BCAR3: variants seen among roughly 807,000 people sequenced by gnomAD.
BCAR3 encodes BCAR3 adaptor protein, NSP family member, also known as breast cancer anti-estrogen resistance protein 3.
Under a neutral mutation model 80.1 loss-of-function variants are expected in BCAR3, and 37 were observed. The observed-to-expected ratio is 0.46, with a 90% CI of 0.36 to 0.61. BCAR3 has a LOEUF of 0.61. Among genes scored for constraint, BCAR3 ranks in the 20% least tolerant of loss-of-function variants. The pLI is 0.00. For missense variants in BCAR3, 978 were observed against 1,068.2 expected (o/e 0.92, Z 1.18); for synonymous variants, 389 against 418.9 (o/e 0.93, Z 0.87).
intron 2 of BCAR3, among the ~76,000 whole-genome samples, chr1:93,836,287 C>T (rs1654764069): frequency 1.3e-5 from 2 of 152,138 alleles, no homozygotes. Flanking sequence ...TAAAAACTTG[C>T]CAACCAAACA....
At chr1:93,782,287 G>A (rs777443359) in intron 2 of BCAR3, among the ~76,000 whole-genome samples, 5 of 152,202 alleles carry the variant, frequency 3.3e-5, no homozygotes, top group Non-Finnish European at 7.3e-5. Flanking sequence ...GAGCAGTAAT[G>A]TTCCTGGGGA....
chr1:93,690,654 A>C (rs1649155429), intron 3 of BCAR3, among the ~76,000 whole-genome samples: 1 of 152,240 alleles, frequency 6.6e-6, no homozygotes, highest in South Asian at 2.1e-4. Context: ...TTAGCTGTGC[A>C]ATTCCTAGCA....
intron 2 of BCAR3, among the ~76,000 whole-genome samples, chr1:93,844,677 T>C (rs1443856140): frequency 6.6e-6 from 1 of 151,954 alleles, no homozygotes; most frequent in African/African-American, 2.4e-5. Flanking sequence ...ACCACACACC[T>C]GACCTTGTTT....
At chr1:93,691,496 A>G (rs1571048612) in intron 3 of BCAR3, among the ~76,000 whole-genome samples, 1 of 152,298 alleles carries the variant, frequency 6.6e-6, no homozygotes, top group Middle Eastern at 3.4e-3. Flanking sequence ...TCATTCTACA[A>G]AGCAGGACAC....
intron 2 of BCAR3, among the ~76,000 whole-genome samples, chr1:93,770,671 A>G (rs1324260856): frequency 6.6e-6 from 1 of 152,226 alleles, no homozygotes; most frequent in East Asian, 1.9e-4. Context: ...TAATGCTTCA[A>G]TAGGTTATCA....
chr1:93,661,197 G>A (rs529066989), intron 2 of BCAR3, among the ~76,000 whole-genome samples: 3 of 151,850 alleles, frequency 2.0e-5, no homozygotes, highest in African/African-American at 7.2e-5. Context: ...GCGCCACCAC[G>A]CCCTGCTAAT....
At chr1:93,654,308 G>T (rs1467278870) in intron 2 of BCAR3, among the ~76,000 whole-genome samples, 1 of 152,180 alleles carries the variant, frequency 6.6e-6, no homozygotes, top group African/African-American at 2.4e-5. Flanking sequence ...TCTGATGTGA[G>T]GGACCCTGCC....
At chr1:93,686,409 A>G (rs1571044514), upstream of BCAR3, among the ~76,000 whole-genome samples, 1 of 152,282 alleles carries the variant, frequency 6.6e-6, no homozygotes, top group African/African-American at 2.4e-5. Context: ...AGTGAGCCCC[A>G]TTACAAAAAA....
At chr1:93,750,553 T>C (rs777521766) in intron 2 of BCAR3, among the ~76,000 whole-genome samples, 1 of 152,230 alleles carries the variant, frequency 6.6e-6, no homozygotes, top group Non-Finnish European at 1.5e-5. Context: ...AGAGACTCAC[T>C]TACAACCAAC....
At chr1:93,583,193 G>A (rs559628857) in intron 6 of BCAR3, among the ~76,000 whole-genome samples, 6 of 152,280 alleles carry the variant, frequency 3.9e-5, no homozygotes, top group East Asian at 3.9e-4. Flanking sequence ...TAGAAATCCC[G>A]GGGACTGCTG....
intron 2 of BCAR3, among the ~76,000 whole-genome samples, chr1:93,748,951 A>C (rs914300014): frequency 2.0e-5 from 3 of 152,166 alleles, no homozygotes; most frequent in Non-Finnish European, 4.4e-5. Flanking sequence ...TCAACATTTG[A>C]CTGGGTCCTC....
intron 2 of BCAR3, among the ~76,000 whole-genome samples, chr1:93,767,733 C>A (rs72723118): frequency 0.045 from 6,864 of 152,106 alleles, 223 homozygotes; most frequent in South Asian, 0.092. Context: ...TATTTCTAAG[C>A]AGAACTTGTC....
intron 2 of BCAR3, among the ~76,000 whole-genome samples, chr1:93,729,744 G>C (rs976021493): frequency 1.3e-5 from 2 of 152,182 alleles, no homozygotes; most frequent in African/African-American, 4.8e-5. Flanking sequence ...GGCAACGTCT[G>C]GGATGTCCTG....
chr1:93,616,514 T>C (rs1156696716), intron 3 of BCAR3, among the ~76,000 whole-genome samples: 1 of 152,226 alleles, frequency 6.6e-6, no homozygotes, highest in Non-Finnish European at 1.5e-5. Context: ...GGACCAGACC[T>C]GTGTACCACT....
At chr1:93,603,086 G>A (rs1162655770) in intron 3 of BCAR3, among the ~76,000 whole-genome samples, 1 of 152,192 alleles carries the variant, frequency 6.6e-6, no homozygotes, top group East Asian at 1.9e-4. Flanking sequence ...TAGAAAAATA[G>A]TTTCTTATGC....
At chr1:93,718,688 C>CTTTTTTTT (rs71094259) in intron 2 of BCAR3, among the ~76,000 whole-genome samples, 12 of 77,044 alleles carry the variant, frequency 1.6e-4, no homozygotes, top group East Asian at 8.2e-4. Flanking sequence ...CATTGTTTTT[C>CTTTTTTTT]TTTTTTTTTT....
chr1:93,812,400 CCTCT>C (rs1280916474), intron 2 of BCAR3, among the ~76,000 whole-genome samples: 1 of 152,066 alleles, frequency 6.6e-6, no homozygotes, highest in Non-Finnish European at 1.5e-5. Context: ...TTTTGAAAGC[CCTCT>C]CTCTGTCATG....
chr1:93,562,281 C>T lies in BCAR3; in HGVS notation c.2438G>A (p.Arg813His), dbSNP rs373868471. The change falls in exon 12 of 12, where the codon CGT becomes CAT. Residue 813 changes from arginine (R) to histidine (H), a missense_variant. Arg to His is a conservative substitution (Grantham distance 29). Transcript: ENST00000260502. ...CTTTACAGGAGGAGGTTCCAATTTA[C>T]GCGAGAGGGCAGTTAAAATCTGGTT... Reference protein sequence around the residue: ...KFNQILTALSRKLEPPPVKQA... With the variant: ...KFNQILTALSHKLEPPPVKQA... 51 of 1,613,814 alleles carry T rather than the reference C, an allele frequency of 3.2e-5. No homozygotes were observed. Among genetic ancestry groups the T allele is most frequent in the South Asian group, 2.9e-4 (26 of 91,020 alleles).
intron 2 of BCAR3, among the ~76,000 whole-genome samples, chr1:93,727,120 T>C (rs1195396139): frequency 1.3e-5 from 2 of 152,224 alleles, no homozygotes; most frequent in African/African-American, 2.4e-5. Flanking sequence ...AGTCTTTCAT[T>C]GTAAGCCTGC....
Sources: gnomAD v4.1 joint callset for allele counts (sites outside exome capture counted in the v4.1 genomes callset) on GRCh38, gnomAD v4.1.1 for gene constraint, MANE v1.5 for transcripts, NCBI Gene and HGNC (gene_info 2026-07-23, HGNC 2026-07-21) for gene names.